USP3: variants seen among roughly 807,000 people sequenced by gnomAD.
USP3 encodes ubiquitin specific peptidase 3, also known as ubiquitin carboxyl-terminal hydrolase 3.
A neutral mutation model predicts 72.3 loss-of-function variants in USP3; 20 were observed. The ratio of observed to expected loss-of-function variants is 0.28; its 90% CI spans 0.19 to 0.40. The LOEUF (loss-of-function observed/expected upper bound fraction) is 0.40. Ranked by LOEUF, USP3 falls within the 10% of genes least tolerant of loss-of-function variation. The probability of loss-of-function intolerance (pLI) is 1.00; values close to 1 mark genes in which losing one functional copy is unlikely to be tolerated. For missense variants in USP3, 479 were observed against 633.9 expected, an observed-to-expected ratio of 0.76 and a Z score of 2.62; for synonymous variants, 222 against 225.3, an observed-to-expected ratio of 0.99 and a Z score of 0.13.
At chr15:63,514,429 T>G (rs1425172770) in intron 1 of USP3, among the ~76,000 whole-genome samples, 2 of 152,202 alleles carry the variant, frequency 1.3e-5, no homozygotes, top group African/African-American at 4.8e-5. Context: ...AAATATTGAT[T>G]ATCTATCCCT....
intron 1 of USP3, among the ~76,000 whole-genome samples, chr15:63,523,653 A>G (rs2065945833): frequency 6.6e-6 from 1 of 152,150 alleles, no homozygotes; most frequent in African/African-American, 2.4e-5. Context: ...TTGTGGAACA[A>G]TTTGCTAGGA....
chr15:63,572,488 T>G (rs560733730), intron 9 of USP3, among the ~76,000 whole-genome samples: 2 of 151,938 alleles, frequency 1.3e-5, no homozygotes, highest in East Asian at 3.9e-4. Context: ...ATGCCATCTT[T>G]TAAAAAAAAA....
intron 11 of USP3, among the ~76,000 whole-genome samples, chr15:63,576,277 G>T (rs931496138): frequency 6.6e-6 from 1 of 152,182 alleles, no homozygotes; most frequent in Middle Eastern, 3.4e-3. Flanking sequence ...ATGAGCCACC[G>T]CACCCAGCCT....
intron 8 of USP3, among the ~76,000 whole-genome samples, chr15:63,567,337 G>T (rs1212631552): frequency 6.8e-6 from 1 of 147,412 alleles, no homozygotes; most frequent in Non-Finnish European, 1.5e-5. Flanking sequence ...ACCATGCCTG[G>T]CTAATTTTTT....
At chr15:63,558,448 C>T (rs1182621721) in intron 6 of USP3, among the ~76,000 whole-genome samples, 3 of 152,006 alleles carry the variant, frequency 2.0e-5, no homozygotes, top group South Asian at 2.1e-4. Context: ...CGGTTATTTC[C>T]GGTTGCTTTT....
intron 7 of USP3, among the ~76,000 whole-genome samples, chr15:63,562,402 T>G (rs1441830852): frequency 6.6e-6 from 1 of 152,074 alleles, no homozygotes; most frequent in African/African-American, 2.4e-5. Flanking sequence ...GAAGTTTAAA[T>G]AAAAATAGTC....
intron 4 of USP3, among the ~76,000 whole-genome samples, chr15:63,556,139 G>A (rs1035759795): frequency 1.3e-5 from 2 of 152,140 alleles, no homozygotes; most frequent in African/African-American, 4.8e-5. Flanking sequence ...CCTTTGGAGC[G>A]TAGCTGCATC....
At chr15:63,577,107 A>G (rs1444434366) in intron 11 of USP3, among the ~76,000 whole-genome samples, 1 of 152,254 alleles carries the variant, frequency 6.6e-6, no homozygotes, top group Admixed American at 6.5e-5. Flanking sequence ...TTAACTAAAA[A>G]TACGCATATT....
intron 5 of USP3, 50 bp downstream of exon 5, chr15:63,556,798 ACT>A: frequency 7.8e-7 from 1 of 1,275,056 alleles, no homozygotes; most frequent in Non-Finnish European, 1.1e-6. Flanking sequence ...AGATTTAATC[ACT>A]GTTTTGTTAC....
rs1334029193 is a variant in USP3, at chr15:63,529,298, ATCTG to A, written c.92-3341_92-3338del. On this transcript the variant is annotated intron_variant, in intron 1 of 14. Transcript: ENST00000380324. This position sits in a 1 kb window ranked among gnomAD's most constrained non-coding sequence, Gnocchi z 4.2. ...TTACTTTCTCTCCTTATCATTACGTATCTGTCTGTCTAATTGATGCACAATTCAC... is the reference window on the plus strand; with the variant it reads ...TTACTTTCTCTCCTTATCATTACGTATCTGTCTAATTGATGCACAATTCAC... 7 of 365,636 alleles carry A rather than the reference ATCTG, an allele frequency of 1.9e-5. No individual in the cohort carries two copies. In the East Asian group the frequency reaches 2.2e-4, roughly 11 times the overall value. The allele number at this position is 365,636 out of a possible 1,614,324, so 22.6% of individuals were successfully genotyped here.
rs957737850 is a variant in USP3 at position 63,553,872 on chromosome 15, G to A, written c.368+74G>A. The A allele has an allele frequency of 4.3e-6, 5 of 1,163,974 alleles. No homozygotes were observed. In the African/African-American group the frequency reaches 6.3e-5, roughly 15 times the overall value. The allele number at this position is 1,163,974 out of a possible 1,614,324, so 72.1% of individuals were successfully genotyped here. A position where few individuals can be genotyped will look rare whatever the true frequency, so the allele number is the denominator to read the frequency against. ...GAGTCTTTTAGAATTTTTGAGTGGG[G>A]TTTTTGTTGATGAGTTTAATAACTT... is the stretch of plus-strand genomic sequence containing the variant. On this transcript the variant is annotated intron_variant, in intron 4 of 14. Coordinates refer to ENST00000380324, the MANE Select transcript of USP3 (RefSeq NM_006537.4). This position sits in a 1 kb window ranked among gnomAD's most constrained non-coding sequence, Gnocchi z 4.2.
rs11351032 is a variant in USP3 at position 63,529,178 on chromosome 15, GTT to G, written c.92-3457_92-3456del. 0.04 allele frequency: 19,570 copies of G among 492,484 alleles called. 252 individuals are homozygous for G. Among genetic ancestry groups the G allele is most frequent in the Middle Eastern group, 0.11 (322 of 2,888 alleles). 30.5% of individuals were successfully genotyped at this position (492,484 alleles called of 1,614,324 possible). A position where few individuals can be genotyped will look rare whatever the true frequency, so the allele number is the denominator to read the frequency against. On this transcript the variant is annotated intron_variant, in intron 1 of 14. Transcript: ENST00000380324. The surrounding 1 kb of genome is among the most constrained non-coding windows in gnomAD (Gnocchi z 4.2). ...ACCACACTTGGCAGGTAGTAAAGTG[GTT>G]TTTTTTTTTTTCTTTTTTTTGAGAT...
At chr15:63,552,050 T>C (rs1279871824) in intron 3 of USP3, among the ~76,000 whole-genome samples, 1 of 152,236 alleles carries the variant, frequency 6.6e-6, no homozygotes, top group Non-Finnish European at 1.5e-5. Flanking sequence ...TTGTGGCAGT[T>C]AGAGGTTCAG....
chr15:63,577,785 T>G (rs1204691667), intron 11 of USP3, among the ~76,000 whole-genome samples: 4 of 151,792 alleles, frequency 2.6e-5, no homozygotes, highest in Non-Finnish European at 4.4e-5. Context: ...AAAAATTAAC[T>G]GGGCATGGTG....
At chr15:63,567,537 G>A (rs1288010625) in intron 8 of USP3, among the ~76,000 whole-genome samples, 4 of 151,838 alleles carry the variant, frequency 2.6e-5, no homozygotes, top group Admixed American at 1.3e-4. Context: ...TAGTGGAGAC[G>A]GGGTTTCACC....
At chr15:63,563,674 T>C (rs2066643475) in intron 8 of USP3, among the ~76,000 whole-genome samples, 1 of 152,190 alleles carries the variant, frequency 6.6e-6, no homozygotes, top group Non-Finnish European at 1.5e-5. Context: ...GACAGCAGCC[T>C]TGGCCACCTT....
At position 63,592,829 on chromosome 15, in the gene USP3, T is replaced by A. The variant is rs536471746; in HGVS notation, c.*2003T>A. On this transcript the variant is annotated 3_prime_UTR_variant, in exon 15 of 15. Coordinates refer to ENST00000380324, the MANE Select transcript of USP3 (RefSeq NM_006537.4). ...TTCCCTCAGGTTGGATATCTGAAGT[T>A]GTGGGAGCAGATGTAGCTCCATTTC... 1.3e-5 allele frequency: 2 copies of A among 152,222 alleles called. No homozygotes were observed. The highest frequency in any genetic ancestry group is 2.9e-5 in the Non-Finnish European group (2 of 68,014). 9.4% of individuals were successfully genotyped at this position (152,222 alleles called of 1,614,324 possible).
chr15:63,518,458 A>G (rs892859967), intron 1 of USP3, among the ~76,000 whole-genome samples: 3 of 152,238 alleles, frequency 2.0e-5, no homozygotes, highest in Non-Finnish European at 2.9e-5. Context: ...GGCTCTGTAC[A>G]TTGGTAATTT....
chr15:63,586,262 G>A (rs1042946896), intron 11 of USP3, among the ~76,000 whole-genome samples: 5 of 152,098 alleles, frequency 3.3e-5, no homozygotes, highest in Non-Finnish European at 7.4e-5. Context: ...TGATCTTGGA[G>A]GCAAAGCTTT....
Sources: gnomAD v4.1 joint callset for allele counts (sites outside exome capture counted in the v4.1 genomes callset) on GRCh38, gnomAD v4.1.1 for gene constraint, Gnocchi (gnomAD v3.1) non-coding constraint, MANE v1.5 for transcripts, NCBI Gene and HGNC (gene_info 2026-07-23, HGNC 2026-07-21) for gene names.